Variants in LRRC4C observed in about 807,000 individuals in gnomAD.
The protein encoded by LRRC4C is leucine rich repeat containing 4C.
A neutral mutation model predicts 33.6 loss-of-function variants in LRRC4C; 5 were observed. The observed-to-expected ratio is 0.15, with a 90% CI of 0.08 to 0.31. LRRC4C has a LOEUF of 0.31. LRRC4C is among the 10% of genes least tolerant of loss of function. The probability of loss-of-function intolerance (pLI) is 1.00; values close to 1 mark genes in which losing one functional copy is unlikely to be tolerated. For missense variants in LRRC4C, 560 were observed against 796.7 expected (o/e 0.70, Z 3.58); for synonymous variants, 329 against 302.0 (o/e 1.09, Z -0.93).
chr11:41,128,842 C>T (rs1343540173), intron 1 of LRRC4C, among the ~76,000 whole-genome samples: 1 of 151,934 alleles, frequency 6.6e-6, no homozygotes, highest in Non-Finnish European at 1.5e-5. Flanking sequence ...AAGTTACATC[C>T]TGTGAGGATA....
At position 40,739,424 on chromosome 11, in the gene LRRC4C, C is replaced by CTG. The variant is rs749312154; in HGVS notation, c.-406-91148_-406-91147dup. ...TGAAGCCTGAATACTCTTCCATTCTCTGTGTGTGTGTGTTTATTACCCTTA... is the reference window on the plus strand; with the variant it reads ...TGAAGCCTGAATACTCTTCCATTCTCTGTGTGTGTGTGTGTTTATTACCCTTA... On this transcript the variant is annotated intron_variant, in intron 2 of 6. Transcript: ENST00000528697. Among the ~76,000 whole-genome samples the CTG allele has an allele frequency of 5.3e-5, 8 of 149,998 alleles. No individual in the cohort carries two copies. The South Asian group carries it at 8.5e-4, about 16-fold the overall frequency.
chr11:41,288,402 T>A (rs1355222274), intron 1 of LRRC4C, among the ~76,000 whole-genome samples: 1 of 152,068 alleles, frequency 6.6e-6, no homozygotes, highest in Non-Finnish European at 1.5e-5. Context: ...AAGAATTAGA[T>A]CAGAAACTGG....
chr11:40,242,358 A>G (rs1865984614), intron 4 of LRRC4C, among the ~76,000 whole-genome samples: 1 of 152,186 alleles, frequency 6.6e-6, no homozygotes, highest in South Asian at 2.1e-4. Flanking sequence ...AGTATCTTTG[A>G]AATGGCTTTT....
At chr11:40,902,578 C>T (rs561725876) in intron 2 of LRRC4C, among the ~76,000 whole-genome samples, 1 of 152,066 alleles carries the variant, frequency 6.6e-6, no homozygotes, top group African/African-American at 2.4e-5. Context: ...AAAAGCTAGA[C>T]CTCTTGTGCC....
intron 1 of LRRC4C, among the ~76,000 whole-genome samples, chr11:41,193,126 A>G (rs1354036036): frequency 6.6e-6 from 1 of 152,116 alleles, no homozygotes; most frequent in Non-Finnish European, 1.5e-5. Context: ...AAATATAAAT[A>G]CTAGCTACCA....
At chr11:41,401,990 C>T (rs1954042511) in intron 1 of LRRC4C, among the ~76,000 whole-genome samples, 1 of 151,984 alleles carries the variant, frequency 6.6e-6, no homozygotes, top group Non-Finnish European at 1.5e-5. Context: ...ACTCAGCAGA[C>T]ATTATTGAAC....
In LRRC4C at chr11:41,041,318, C is replaced by T. The variant is rs576498265; in HGVS notation, c.-495-107595G>A. Among the ~76,000 whole-genome samples the T allele has an allele frequency of 3.3e-5, 5 of 152,000 alleles. No individual in the cohort carries two copies. In the South Asian group the frequency reaches 6.2e-4, roughly 19 times the overall value. On this transcript the variant is annotated intron_variant, in intron 1 of 6. Transcript: ENST00000528697. ...TTGTAAAGATATCTTCTCAGAAATA[C>T]GAGGAAAGGAAGTCTTATGAATTAG...
intron 1 of LRRC4C, among the ~76,000 whole-genome samples, chr11:41,143,907 T>C (rs1164853246): frequency 6.6e-6 from 1 of 152,192 alleles, no homozygotes; most frequent in Non-Finnish European, 1.5e-5. Context: ...AGCTTCCACA[T>C]ACAGTTTTAA....
At chr11:40,444,358 CTTTT>C (rs972289893) in intron 3 of LRRC4C, among the ~76,000 whole-genome samples, 1 of 145,214 alleles carries the variant, frequency 6.9e-6, no homozygotes, top group Non-Finnish European at 1.5e-5. Context: ...TTTTATTTTT[CTTTT>C]TTTTTTAAAT....
intron 2 of LRRC4C, among the ~76,000 whole-genome samples, chr11:40,712,992 G>T (rs1946540701): frequency 1.3e-5 from 2 of 150,996 alleles, no homozygotes; most frequent in African/African-American, 2.4e-5. Flanking sequence ...GGGTTCAAAT[G>T]ATTCTCCTGC....
At chr11:40,376,081 G>A (rs1948648299) in intron 3 of LRRC4C, among the ~76,000 whole-genome samples, 1 of 151,972 alleles carries the variant, frequency 6.6e-6, no homozygotes, top group Non-Finnish European at 1.5e-5. Flanking sequence ...TATTAATCAA[G>A]GAATTATTAG....
At chr11:41,169,690 A>T (rs1170377260) in intron 1 of LRRC4C, among the ~76,000 whole-genome samples, 1 of 152,172 alleles carries the variant, frequency 6.6e-6, no homozygotes, top group Non-Finnish European at 1.5e-5. Flanking sequence ...CGCACTTTAA[A>T]TTACAGCAAT....
chr11:41,176,961 T>C (rs554212470), intron 1 of LRRC4C, among the ~76,000 whole-genome samples: 80 of 147,888 alleles, frequency 5.4e-4, no homozygotes, highest in Non-Finnish European at 9.8e-4. Flanking sequence ...TAATACTCCA[T>C]CTCTATAAAA....
chr11:40,824,775 T>C lies in LRRC4C; in HGVS notation c.-407+108860A>G, dbSNP rs147802933. ...TTGCCACCAGTCAGAACTCAAATTGTAGTCATGATTTCTTGTTAGTGCTAT... is the reference window on the plus strand; with the variant it reads ...TTGCCACCAGTCAGAACTCAAATTGCAGTCATGATTTCTTGTTAGTGCTAT... On this transcript the variant is annotated intron_variant, in intron 2 of 6. Transcript: ENST00000528697. 7.1e-3 allele frequency among the ~76,000 whole-genome samples: 1,073 copies of C among 152,102 alleles called. 24 individuals are homozygous for C. Among genetic ancestry groups the C allele is most frequent in the African/African-American group, 0.025 (1,019 of 41,522 alleles).
At chr11:41,155,152 T>C (rs1944170817) in intron 1 of LRRC4C, among the ~76,000 whole-genome samples, 1 of 152,154 alleles carries the variant, frequency 6.6e-6, no homozygotes, top group Non-Finnish European at 1.5e-5. Context: ...GTCCTGGAGA[T>C]TTAGTTTCTA....
chr11:40,460,469 C>A (rs559791910), intron 3 of LRRC4C, among the ~76,000 whole-genome samples: 98 of 152,130 alleles, frequency 6.4e-4, no homozygotes, highest in South Asian at 2.1e-3. Context: ...AGTGTACATA[C>A]AAAATATATC....
Position 40,131,928 on chromosome 11 carries a change from G to T in LRRC4C, c.-43+8873C>A, listed in dbSNP as rs564221905. On this transcript the variant is annotated intron_variant, in intron 6 of 6. Transcript: ENST00000528697. The stretch of plus-strand genomic sequence containing the variant: ...ATTTGATTATTATTTCCTTTTCCAT[G>T]AAATTGTACAGTACCATCATGGGTT... 8.5e-5 allele frequency among the ~76,000 whole-genome samples: 13 copies of T among 152,188 alleles called. No homozygotes were observed. In the South Asian group the frequency reaches 2.5e-3, roughly 29 times the overall value.
intron 1 of LRRC4C, among the ~76,000 whole-genome samples, chr11:41,095,019 G>A (rs1940716621): frequency 6.6e-6 from 1 of 152,254 alleles, no homozygotes; most frequent in East Asian, 1.9e-4. Flanking sequence ...AGGAAAATGG[G>A]GAGATGTATT....
chr11:41,429,167 C>G (rs532685256), intron 1 of LRRC4C, among the ~76,000 whole-genome samples: 2 of 152,196 alleles, frequency 1.3e-5, no homozygotes, highest in East Asian at 3.9e-4. Flanking sequence ...GGGCTTTTCC[C>G]TCTTTTGGTT....
Sources: allele counts gnomAD v4.1 joint callset (sites outside exome capture counted in the v4.1 genomes callset), GRCh38; gene constraint gnomAD v4.1.1; transcripts MANE v1.5; gene names NCBI Gene and HGNC (gene_info 2026-07-23, HGNC 2026-07-21).